The following ZBTB41 variants were observed in gnomAD, a reference collection of about 807,000 sequenced individuals.
ZBTB41 encodes zinc finger and BTB domain-containing protein 41.
In ZBTB41, 42 loss-of-function variants were observed where a neutral mutation model predicts 87.6. The ratio of observed to expected loss-of-function variants is 0.48; its 90% CI spans 0.37 to 0.62. The LOEUF is 0.62. Among genes scored for constraint, ZBTB41 ranks in the 20% least tolerant of loss-of-function variants. The probability of loss-of-function intolerance (pLI) is 0.00; values close to 1 mark genes in which losing one functional copy is unlikely to be tolerated. For missense variants in ZBTB41, 799 were observed against 1,078.9 expected, an observed-to-expected ratio of 0.74 and a Z score of 3.63; for synonymous variants, 364 against 364.0, an observed-to-expected ratio of 1.00 and a Z score of 0.00.
At chr1:197,170,312 G>A (rs937385406) in intron 10 of ZBTB41, among the ~76,000 whole-genome samples, 1 of 151,548 alleles carries the variant, frequency 6.6e-6, no homozygotes, top group African/African-American at 2.4e-5. Flanking sequence ...CTGCTATGAG[G>A]GTAAGGATGG....
Position 197,159,231 on chromosome 1 carries a change from T to C in ZBTB41, c.*128A>G. The C allele has an allele frequency of 2.2e-6, 2 of 892,206 alleles. No individual in the cohort carries two copies. Among genetic ancestry groups the C allele is most frequent in the South Asian group, 3.5e-5 (2 of 56,950 alleles). The allele number at this position is 892,206 out of a possible 1,614,324, so 55.3% of individuals were successfully genotyped here. A position where few individuals can be genotyped will look rare whatever the true frequency, so the allele number is the denominator to read the frequency against. On this transcript the variant is annotated 3_prime_UTR_variant, in exon 11 of 11. Coordinates refer to ENST00000367405, the MANE Select transcript of ZBTB41 (RefSeq NM_194314.3). ...AAACAGAGACACATAGTTTTCTTGA[T>C]TTGAAACTGTTCTGAGGACTTGAGA...
Position 197,191,964 on chromosome 1 carries a change from A to C in ZBTB41, c.1121-65T>G. 3 of 1,351,382 alleles carry C rather than the reference A, an allele frequency of 2.2e-6. No homozygotes were observed. The South Asian group carries it at 4.6e-5, about 21-fold the overall frequency. The allele number at this position is 1,351,382 out of a possible 1,614,324, so 83.7% of individuals were successfully genotyped here. ...TGCTATACTGTGATTGGAATTTGAG[A>C]GTGGAATAAAACCTCATGATTTAGC... On this transcript the variant is annotated intron_variant, in intron 2 of 10. Transcript: ENST00000367405.
rs1659013524 is a variant in ZBTB41 at position 197,154,323 on chromosome 1, T to A, written c.*5036A>T. 6.6e-6 allele frequency: 1 copy of A among 152,374 alleles called. No homozygotes were observed. The highest frequency in any genetic ancestry group is 2.4e-5 in the African/African-American group (1 of 41,466). The allele number at this position is 152,374 out of a possible 1,614,324, so 9.4% of individuals were successfully genotyped here. On this transcript the variant is annotated 3_prime_UTR_variant, in exon 11 of 11. Coordinates refer to ENST00000367405, the MANE Select transcript of ZBTB41 (RefSeq NM_194314.3). ...AGAATTTGACCAAACAAGGTTATAT[T>A]CTTTGTATAACCTCTGTGCTCTAAA...
At chr1:197,164,137 T>G (rs75528265) in intron 10 of ZBTB41, among the ~76,000 whole-genome samples, 1 of 152,232 alleles carries the variant, frequency 6.6e-6, no homozygotes, top group East Asian at 1.9e-4. Context: ...ATAAGGGTGT[T>G]ATAAGGTATT....
At chr1:197,166,357 T>C (rs965922529) in intron 10 of ZBTB41, among the ~76,000 whole-genome samples, 1 of 152,014 alleles carries the variant, frequency 6.6e-6, no homozygotes, top group African/African-American at 2.4e-5. Flanking sequence ...ATATTACTAG[T>C]AACAGGAATG....
rs1318209265 is a variant in ZBTB41 at position 197,158,684 on chromosome 1, A to T, written c.*675T>A. Reference sequence around the variant, plus strand: ...TGCCTTTCTTATTCATAACAATTGAAGTATAGGCAAAAACCAATTATCTGG... The same window carrying T: ...TGCCTTTCTTATTCATAACAATTGATGTATAGGCAAAAACCAATTATCTGG... On this transcript the variant is annotated 3_prime_UTR_variant, in exon 11 of 11. Transcript: ENST00000367405. 6.6e-6 allele frequency: 1 copy of T among 152,094 alleles called. No homozygotes were observed. The highest frequency in any genetic ancestry group is 1.5e-5 in the Non-Finnish European group (1 of 67,952). The allele number at this position is 152,094 out of a possible 1,614,324, so 9.4% of individuals were successfully genotyped here. A position where few individuals can be genotyped will look rare whatever the true frequency, so the allele number is the denominator to read the frequency against.
At position 197,165,781 on chromosome 1, in the gene ZBTB41, T is replaced by A. The variant is rs192766469; in HGVS notation, c.2075-5767A>T. Among the ~76,000 whole-genome samples, 1,106 of 151,868 alleles carry A rather than the reference T, an allele frequency of 7.3e-3. 15 individuals are homozygous for A. The highest frequency in any genetic ancestry group is 0.024 in the African/African-American group (975 of 41,366). ...GCAGGGAAAGGCAAATTAAAAAAAA[T>A]ATATATATAAGCCAGTGGCTGACAA... On this transcript the variant is annotated intron_variant, in intron 10 of 10. Transcript: ENST00000367405.
At position 197,159,885 on chromosome 1, in the gene ZBTB41, C is replaced by T; in HGVS notation, c.2204G>A (p.Arg735Gln). 1.9e-6 allele frequency: 3 copies of T among 1,613,818 alleles called. No homozygotes were observed. The highest frequency in any genetic ancestry group is 2.5e-6 in the Non-Finnish European group (3 of 1,179,840). The change falls in exon 11 of 11, where the codon CGG becomes CAG. Residue 735 changes from arginine to glutamine, a missense_variant. Physicochemically the swap from Arg to Gln is conservative, Grantham distance 43. Transcript: ENST00000367405. ...NCQHCNATFKRKDKLKYHIDH... is the reference protein window; with the variant it reads ...NCQHCNATFKQKDKLKYHIDH... ...AATGTGGTATTTCAGCTTGTCTTTCCGCTTAAATGTTGCATTACAGTGCTG... is the reference window on the plus strand; with the variant it reads ...AATGTGGTATTTCAGCTTGTCTTTCTGCTTAAATGTTGCATTACAGTGCTG...
At chr1:197,178,354 T>A in intron 7 of ZBTB41, 63 bp downstream of exon 7, 1 of 1,147,876 alleles carries the variant, frequency 8.7e-7, no homozygotes, top group Non-Finnish European at 1.2e-6. Flanking sequence ...AATAAGAAAA[T>A]AGAACTAAAA....
At chr1:197,174,286 C>G (rs764459910) in intron 9 of ZBTB41, among the ~76,000 whole-genome samples, 1 of 152,050 alleles carries the variant, frequency 6.6e-6, no homozygotes, top group African/African-American at 2.4e-5. Context: ...ATACTGATAA[C>G]TGAGCAGAAT....
chr1:197,179,131 G>A (rs73067910), intron 6 of ZBTB41, among the ~76,000 whole-genome samples: 4 of 152,136 alleles, frequency 2.6e-5, no homozygotes, highest in African/African-American at 9.6e-5. Flanking sequence ...TATCTAAAGT[G>A]CTGAGTAATA....
At chr1:197,172,091 T>C in intron 10 of ZBTB41, 69 bp downstream of exon 10, 1 of 614,672 alleles carries the variant, frequency 1.6e-6, no homozygotes, top group Non-Finnish European at 2.4e-6. Flanking sequence ...GCCTATATTT[T>C]ACTTCTGATT....
intron 5 of ZBTB41, among the ~76,000 whole-genome samples, chr1:197,187,465 T>A (rs775684484): frequency 2.0e-5 from 3 of 152,232 alleles, no homozygotes; most frequent in Non-Finnish European, 2.9e-5. Context: ...ACATGGAAAC[T>A]ATGCACATCA....
At position 197,190,835 on chromosome 1, in the gene ZBTB41, T is replaced by C; in HGVS notation, c.1329-4A>G. On this transcript the variant is annotated splice_region_variant and splice_polypyrimidine_tract_variant and intron_variant, in intron 3 of 10. Transcript: ENST00000367405. ...TTGTGCATTTTCAGGATGAAATCTA[T>C]CAGAGGAAAAGAAAAAGATTATTAG... 1 of 1,559,656 alleles carries C rather than the reference T, an allele frequency of 6.4e-7. No homozygotes were observed. Among genetic ancestry groups the C allele is most frequent in the Non-Finnish European group, 8.8e-7 (1 of 1,141,972 alleles).
rs1475637139 is a variant in ZBTB41 at position 197,158,729 on chromosome 1, A to C, written c.*630T>G. 2 of 152,088 alleles carry C rather than the reference A, an allele frequency of 1.3e-5. No homozygotes were observed. Among genetic ancestry groups the C allele is most frequent in the African/African-American group, 4.8e-5 (2 of 41,440 alleles). The allele number at this position is 152,088 out of a possible 1,614,324, so 9.4% of individuals were successfully genotyped here. On this transcript the variant is annotated 3_prime_UTR_variant, in exon 11 of 11. Coordinates refer to ENST00000367405, the MANE Select transcript of ZBTB41 (RefSeq NM_194314.3). ...ATCTGGATTATTATTTCAGTCCTACAAATAATAGCTAATCTTACATTAGTT... is the reference window on the plus strand; with the variant it reads ...ATCTGGATTATTATTTCAGTCCTACCAATAATAGCTAATCTTACATTAGTT...
intron 4 of ZBTB41, among the ~76,000 whole-genome samples, chr1:197,190,429 T>C (rs762158035): frequency 3.9e-5 from 6 of 152,228 alleles, no homozygotes; most frequent in Non-Finnish European, 8.8e-5. Flanking sequence ...TTTATTATGT[T>C]AACACCACAT....
At chr1:197,166,573 T>C (rs1262014301) in intron 10 of ZBTB41, among the ~76,000 whole-genome samples, 3 of 151,978 alleles carry the variant, frequency 2.0e-5, no homozygotes, top group Admixed American at 2.0e-4. Context: ...AGGCCCAGCA[T>C]GGTGGCTCAC....
rs1659934896 is a variant in ZBTB41, at chr1:197,188,305, T to C, written c.1533A>G (p.Glu511=). ...TAACTTGCTTACCCAGATGGAACTTTTCTTGATGCTTTAACCGAGCAAACC... is the reference window on the plus strand; with the variant it reads ...TAACTTGCTTACCCAGATGGAACTTCTCTTGATGCTTTAACCGAGCAAACC... ...KSRFARLKHQ[E]KFHLGPFPCD... Residue 511 remains glutamate, a synonymous_variant, in exon 5 of 11, where the codon GAA becomes GAG. Transcript: ENST00000367405. 1 of 1,612,568 alleles carries C rather than the reference T, an allele frequency of 6.2e-7. No individual in the cohort carries two copies. The highest frequency in any genetic ancestry group is 1.3e-5 in the African/African-American group (1 of 74,972).
At chr1:197,174,927 A>T in intron 9 of ZBTB41, 83 bp downstream of exon 9, 1 of 1,089,626 alleles carries the variant, frequency 9.2e-7, no homozygotes. Flanking sequence ...AACTTCAATT[A>T]AACAAAGTAA....
Sources: gnomAD v4.1 joint callset for allele counts (sites outside exome capture counted in the v4.1 genomes callset) on GRCh38, gnomAD v4.1.1 for gene constraint, MANE v1.5 for transcripts, NCBI Gene and HGNC (gene_info 2026-07-23, HGNC 2026-07-21) for gene names.